Variants in SH3GL2 observed in about 807,000 individuals in gnomAD.
SH3GL2 encodes endophilin-A1.
Under a neutral mutation model 46.0 loss-of-function variants are expected in SH3GL2, and 24 were observed. That is an observed-to-expected ratio of 0.52 (90% CI 0.38 to 0.73). SH3GL2 has a LOEUF of 0.73. SH3GL2 is among the 30% of genes least tolerant of loss of function. SH3GL2 has a pLI of 0.00. For missense variants in SH3GL2, 413 were observed against 424.2 expected (o/e 0.97, Z 0.23); for synonymous variants, 196 against 147.1 (o/e 1.33, Z -2.40).
At chr9:17,761,542 C>T (rs772497703) in intron 3 of SH3GL2, 33 bp downstream of exon 3, 19 of 1,263,480 alleles carry the variant, frequency 1.5e-5, no homozygotes, top group South Asian at 1.1e-4. Context: ...TAAAGGATCC[C>T]TCGAGGTAAC....
intron 1 of SH3GL2, among the ~76,000 whole-genome samples, chr9:17,713,143 C>T: frequency 6.6e-6 from 1 of 150,704 alleles, no homozygotes; most frequent in Non-Finnish European, 1.5e-5. Context: ...TGTAGTTTTC[C>T]TTTTTAGTTT....
At chr9:17,745,239 C>A (rs986209816) in intron 1 of SH3GL2, among the ~76,000 whole-genome samples, 1 of 152,054 alleles carries the variant, frequency 6.6e-6, no homozygotes, top group East Asian at 1.9e-4. Flanking sequence ...TGAATCATTG[C>A]CCTTTATCTA....
intron 1 of SH3GL2, among the ~76,000 whole-genome samples, chr9:17,687,153 C>G (rs76908517): frequency 3.3e-5 from 5 of 152,054 alleles, no homozygotes; most frequent in Non-Finnish European, 1.5e-5. Flanking sequence ...TGCTCTCTCA[C>G]ATTAAGTGTA....
chr9:17,783,028 A>G (rs1823856308), intron 3 of SH3GL2, among the ~76,000 whole-genome samples: 1 of 152,162 alleles, frequency 6.6e-6, no homozygotes, highest in African/African-American at 2.4e-5. Context: ...TCAGTAGAGC[A>G]TTCCAGAACA....
chr9:17,772,661 G>C (rs1291743269), intron 3 of SH3GL2, among the ~76,000 whole-genome samples: 1 of 152,140 alleles, frequency 6.6e-6, no homozygotes, highest in African/African-American at 2.4e-5. Flanking sequence ...ATGTAATAGT[G>C]TATATAAGAA....
At chr9:17,650,819 A>G (rs951681946) in intron 1 of SH3GL2, among the ~76,000 whole-genome samples, 1 of 152,202 alleles carries the variant, frequency 6.6e-6, no homozygotes, top group Non-Finnish European at 1.5e-5. Context: ...GCATCTTGAG[A>G]CTGCCTTCTG....
intron 1 of SH3GL2, among the ~76,000 whole-genome samples, chr9:17,605,226 G>C (rs1198142551): frequency 6.6e-6 from 1 of 152,016 alleles, no homozygotes; most frequent in African/African-American, 2.4e-5. Flanking sequence ...TGATCCTCTT[G>C]TCTTGGCCTC....
chr9:17,619,777 A>G (rs1022244493), intron 1 of SH3GL2, among the ~76,000 whole-genome samples: 1 of 152,236 alleles, frequency 6.6e-6, no homozygotes, highest in African/African-American at 2.4e-5. Flanking sequence ...CACAATAGAA[A>G]ATTGACATGG....
intron 1 of SH3GL2, among the ~76,000 whole-genome samples, chr9:17,682,309 C>T (rs552876914): frequency 6.6e-6 from 1 of 152,104 alleles, no homozygotes; most frequent in Non-Finnish European, 1.5e-5. Flanking sequence ...GGAACCAACC[C>T]AAATGCCCAT....
At chr9:17,619,552 C>T (rs1157307865) in intron 1 of SH3GL2, among the ~76,000 whole-genome samples, 3 of 152,066 alleles carry the variant, frequency 2.0e-5, no homozygotes, top group African/African-American at 4.8e-5. Context: ...GTGGCATGCA[C>T]CTGTAATCCC....
At chr9:17,711,806 G>A (rs1264197456) in intron 1 of SH3GL2, among the ~76,000 whole-genome samples, 2 of 151,750 alleles carry the variant, frequency 1.3e-5, no homozygotes, top group Non-Finnish European at 2.9e-5. Flanking sequence ...TTTAATGGAT[G>A]TATGTTTTCT....
At chr9:17,686,153 G>C (rs1820903884) in intron 1 of SH3GL2, among the ~76,000 whole-genome samples, 1 of 132,520 alleles carries the variant, frequency 7.5e-6, no homozygotes, top group Non-Finnish European at 1.6e-5. Context: ...CTTCTCAAAA[G>C]AAGACATTTA....
intron 1 of SH3GL2, among the ~76,000 whole-genome samples, chr9:17,579,633 G>C (rs1202518114): frequency 6.6e-6 from 1 of 152,228 alleles, no homozygotes; most frequent in African/African-American, 2.4e-5. Context: ...GCGGCGCGGT[G>C]GGAGATTATG....
chr9:17,760,170 A>G (rs1164670512), intron 2 of SH3GL2, among the ~76,000 whole-genome samples: 2 of 152,206 alleles, frequency 1.3e-5, no homozygotes, highest in Admixed American at 1.3e-4. Flanking sequence ...GGATATTTAT[A>G]CAAGATTTAT....
intron 3 of SH3GL2, among the ~76,000 whole-genome samples, chr9:17,783,871 A>C (rs1001380155): frequency 2.6e-5 from 4 of 152,144 alleles, no homozygotes; most frequent in Admixed American, 6.5e-5. Context: ...TTGGTAAAGC[A>C]ATCCAGGTTG....
intron 3 of SH3GL2, among the ~76,000 whole-genome samples, chr9:17,771,983 C>T (rs956809958): frequency 6.6e-6 from 1 of 152,096 alleles, no homozygotes; most frequent in Admixed American, 6.6e-5. Context: ...GTATATTTAC[C>T]TAAGTTCTCA....
At chr9:17,716,127 T>C (rs1040252139) in intron 1 of SH3GL2, among the ~76,000 whole-genome samples, 1 of 152,156 alleles carries the variant, frequency 6.6e-6, no homozygotes, top group Non-Finnish European at 1.5e-5. Context: ...AAAGTAATTA[T>C]AATTATTTTA....
chr9:17,772,479 C>A (rs892486182), intron 3 of SH3GL2, among the ~76,000 whole-genome samples: 1 of 152,100 alleles, frequency 6.6e-6, no homozygotes, highest in African/African-American at 2.4e-5. Flanking sequence ...AAACTCTATC[C>A]CCATTAAGTA....
chr9:17,637,720 T>G (rs1481303532), intron 1 of SH3GL2, among the ~76,000 whole-genome samples: 1 of 152,190 alleles, frequency 6.6e-6, no homozygotes, highest in Non-Finnish European at 1.5e-5. Context: ...TCAGAAGTTA[T>G]TAACATATTC....
Sources: gnomAD v4.1 joint callset for allele counts (sites outside exome capture counted in the v4.1 genomes callset) on GRCh38, gnomAD v4.1.1 for gene constraint, MANE v1.5 for transcripts, NCBI Gene and HGNC (gene_info 2026-07-23, HGNC 2026-07-21) for gene names.